The following EPHA6 variants were observed in gnomAD, a reference collection of about 807,000 sequenced individuals.
The protein encoded by EPHA6 is ephrin type-A receptor 6.
In EPHA6, 50 loss-of-function variants were observed where a neutral mutation model predicts 112.0. That is an observed-to-expected ratio of 0.45 (90% CI 0.36 to 0.56). EPHA6 has a LOEUF of 0.56. EPHA6 is among the 20% of genes least tolerant of loss of function. The probability of loss-of-function intolerance (pLI) is 0.00; values close to 1 mark genes in which losing one functional copy is unlikely to be tolerated. For synonymous variants in EPHA6, 529 were observed against 490.7 expected, an observed-to-expected ratio of 1.08 and a Z score of -1.03; for missense variants, 1,280 against 1,417.4, an observed-to-expected ratio of 0.90 and a Z score of 1.56.
Position 97,577,363 on chromosome 3 carries a change from T to G in EPHA6, c.2387-15249T>G, listed in dbSNP as rs570873430. 8.9e-4 allele frequency among the ~76,000 whole-genome samples: 136 copies of G among 152,286 alleles called. 1 individual carries two copies. Among genetic ancestry groups the G allele is most frequent in the African/African-American group, 2.6e-3 (109 of 41,564 alleles). ...GAGAAATGTTTTCTACAGTAAAAAT[T>G]TATTCACTATTGAAGATGAAATTTT... On this transcript the variant is annotated intron_variant, in intron 11 of 17. Transcript: ENST00000389672.
intron 11 of EPHA6, among the ~76,000 whole-genome samples, chr3:97,577,233 T>A (rs1453753423): frequency 6.6e-6 from 1 of 152,032 alleles, no homozygotes; most frequent in Non-Finnish European, 1.5e-5. Context: ...AAACGTAGAG[T>A]TGGAAGTTCT....
chr3:97,145,928 A>G (rs2076033900), intron 3 of EPHA6, among the ~76,000 whole-genome samples: 1 of 151,572 alleles, frequency 6.6e-6, no homozygotes, highest in African/African-American at 2.4e-5. Flanking sequence ...ATATTTACCT[A>G]TGAATTTTTT....
chr3:97,603,293 T>C (rs1280365617), intron 12 of EPHA6, among the ~76,000 whole-genome samples: 1 of 151,990 alleles, frequency 6.6e-6, no homozygotes, highest in East Asian at 1.9e-4. Flanking sequence ...GCAGATGGCA[T>C]GCCACTGCTC....
chr3:97,331,218 A>G (rs2082781830), intron 5 of EPHA6, among the ~76,000 whole-genome samples: 1 of 152,168 alleles, frequency 6.6e-6, no homozygotes, highest in Admixed American at 6.6e-5. Context: ...GACACAACAT[A>G]CCAGAATCTG....
intron 7 of EPHA6, among the ~76,000 whole-genome samples, chr3:97,457,539 TTA>T (rs1327261188): frequency 6.6e-6 from 1 of 152,164 alleles, no homozygotes; most frequent in African/African-American, 2.4e-5. Context: ...ATATTAAATA[TTA>T]TATGTTTATG....
chr3:96,982,370 T>G (rs2042830592), intron 2 of EPHA6, among the ~76,000 whole-genome samples: 1 of 152,162 alleles, frequency 6.6e-6, no homozygotes, highest in Non-Finnish European at 1.5e-5. Flanking sequence ...TGGTTTTGAG[T>G]GAGTTTCTTA....
chr3:97,327,726 T>A lies in EPHA6; in HGVS notation c.1607-77424T>A, dbSNP rs186946388. On this transcript the variant is annotated intron_variant, in intron 5 of 17. Coordinates refer to ENST00000389672, the MANE Select transcript of EPHA6 (RefSeq NM_001080448.3). ...ATGAGGTAAATGGAATCATACAGTA[T>A]ATAACTTTCGGATATTTGCTTTTTT... Among the ~76,000 whole-genome samples the A allele has an allele frequency of 7.2e-5, 11 of 151,868 alleles. No individual in the cohort carries two copies. In the East Asian group the frequency reaches 1.7e-3, roughly 24 times the overall value.
chr3:97,298,724 CATT>C (rs1262697772), intron 5 of EPHA6, among the ~76,000 whole-genome samples: 1 of 151,694 alleles, frequency 6.6e-6, no homozygotes, highest in East Asian at 1.9e-4. Context: ...TAAATGTAAC[CATT>C]ATTCACAATA....
chr3:97,589,305 T>A (rs1052159489), intron 11 of EPHA6, among the ~76,000 whole-genome samples: 4 of 152,164 alleles, frequency 2.6e-5, no homozygotes, highest in African/African-American at 7.2e-5. Context: ...TTTTTTAGGA[T>A]GATTTGAAAA....
intron 14 of EPHA6, among the ~76,000 whole-genome samples, chr3:97,653,681 A>G (rs1446285335): frequency 1.3e-5 from 2 of 152,012 alleles, no homozygotes; most frequent in Admixed American, 6.6e-5. Context: ...TGAAATCAGT[A>G]TCTTGAAGAG....
rs374469977 is a variant in EPHA6 at position 97,127,530 on chromosome 3, G to A, written c.1115-98734G>A. Among the ~76,000 whole-genome samples the A allele has an allele frequency of 6.4e-4, 98 of 152,064 alleles. No homozygotes were observed. In the East Asian group the frequency reaches 0.01, roughly 16 times the overall value. Reference sequence around the variant, plus strand: ...AGGTTAGGAGTTCCGAGACCAGCCCGGCCAACATGGTGAAACCCCGTCTCT... The same window carrying A: ...AGGTTAGGAGTTCCGAGACCAGCCCAGCCAACATGGTGAAACCCCGTCTCT... On this transcript the variant is annotated intron_variant, in intron 3 of 17. Transcript: ENST00000389672.
intron 5 of EPHA6, among the ~76,000 whole-genome samples, chr3:97,361,379 G>T (rs2084364932): frequency 6.6e-6 from 1 of 152,176 alleles, no homozygotes; most frequent in Admixed American, 6.5e-5. Context: ...TGCTGTGCAG[G>T]ATGCCAGGTT....
intron 5 of EPHA6, among the ~76,000 whole-genome samples, chr3:97,326,526 C>T (rs1576975433): frequency 6.6e-6 from 1 of 152,016 alleles, no homozygotes; most frequent in Non-Finnish European, 1.5e-5. Flanking sequence ...AGAGATTTAA[C>T]TACCCATAGT....
chr3:97,696,955 A>G (rs894360769), intron 14 of EPHA6, among the ~76,000 whole-genome samples: 6 of 152,218 alleles, frequency 3.9e-5, no homozygotes, highest in Non-Finnish European at 7.3e-5. Context: ...TCAATACTAA[A>G]TTTAGTTTTA....
At chr3:97,373,628 A>G (rs1199210969) in intron 5 of EPHA6, among the ~76,000 whole-genome samples, 1 of 152,150 alleles carries the variant, frequency 6.6e-6, no homozygotes, top group East Asian at 1.9e-4. Flanking sequence ...CCTTTTAGGA[A>G]GTAGTGTCAG....
At chr3:96,909,758 A>T (rs1057304466) in intron 2 of EPHA6, among the ~76,000 whole-genome samples, 3 of 152,022 alleles carry the variant, frequency 2.0e-5, no homozygotes, top group African/African-American at 7.2e-5. Flanking sequence ...CAAAAGACAT[A>T]TTAAGTGAGC....
chr3:96,848,339 A>C, intron 1 of EPHA6, among the ~76,000 whole-genome samples: 1 of 152,116 alleles, frequency 6.6e-6, no homozygotes, highest in East Asian at 1.9e-4. Context: ...ATTATTAGTT[A>C]CCAAATCAAT....
chr3:97,062,381 C>T, intron 3 of EPHA6, among the ~76,000 whole-genome samples: 1 of 152,084 alleles, frequency 6.6e-6, no homozygotes, highest in South Asian at 2.1e-4. Flanking sequence ...ACCCCTAAGG[C>T]TGAGATAGGG....
intron 1 of EPHA6, among the ~76,000 whole-genome samples, chr3:96,851,483 G>A (rs2035384128): frequency 6.6e-6 from 1 of 152,102 alleles, no homozygotes; most frequent in Non-Finnish European, 1.5e-5. Flanking sequence ...ATAGGATACT[G>A]TGCTAGGTTC....
Sources: gnomAD v4.1 joint callset for allele counts (sites outside exome capture counted in the v4.1 genomes callset) on GRCh38, gnomAD v4.1.1 for gene constraint, MANE v1.5 for transcripts, NCBI Gene and HGNC (gene_info 2026-07-23, HGNC 2026-07-21) for gene names.